Variants in PMEPA1 observed in about 807,000 individuals in gnomAD.
The protein encoded by PMEPA1 is protein TMEPAI.
Under a neutral mutation model 23.0 loss-of-function variants are expected in PMEPA1, and 11 were observed. That is an observed-to-expected ratio of 0.48 (90% CI 0.30 to 0.79). The LOEUF (loss-of-function observed/expected upper bound fraction) is 0.79, where lower values mean the gene tolerates loss of function less well. Ranked by LOEUF, PMEPA1 falls within the 30% of genes least tolerant of loss-of-function variation. The probability of loss-of-function intolerance (pLI) is 0.06; values close to 1 mark genes in which losing one functional copy is unlikely to be tolerated. For missense variants in PMEPA1, 377 were observed against 390.9 expected (o/e 0.96, Z 0.30); for synonymous variants, 204 against 166.4 (o/e 1.23, Z -1.74).
chr20:57,652,458 T>C lies in PMEPA1; in HGVS notation c.459A>G (p.Ser153=), dbSNP rs6025698. 0.19 allele frequency: 304,146 copies of C among 1,612,102 alleles called. 33,506 individuals are homozygous for C. The highest frequency in any genetic ancestry group is 0.47 in the African/African-American group (35,508 of 74,922). The part of the protein sequence containing the change: ...EIDLPPTISL[S]DGEEPPPYQG... ...GGTAGGGTGGGGGCTCCTCCCCGTC[T>C]GACAGCGAGATGGTGGGTGGCAGGT... Residue 153 remains serine, a synonymous_variant, in exon 4 of 4, where the codon TCA becomes TCG. Transcript: ENST00000341744. The surrounding 1 kb of genome is among the most constrained non-coding windows in gnomAD (Gnocchi z 6.1).
chr20:57,711,336 G>A (rs948042830), upstream of PMEPA1: 2 of 152,220 alleles, frequency 1.3e-5, no homozygotes, highest in East Asian at 1.9e-4. Flanking sequence ...AGACCAGAGC[G>A]AATTCATCCT....
In PMEPA1 at chr20:57,675,692, C is replaced by T. The variant is rs76288273; in HGVS notation, c.110-15995G>A. Among the ~76,000 whole-genome samples, 878 of 152,304 alleles carry T rather than the reference C, an allele frequency of 5.8e-3. 10 individuals are homozygous for T. Among genetic ancestry groups the T allele is most frequent in the African/African-American group, 0.02 (819 of 41,560 alleles). On this transcript the variant is annotated intron_variant, in intron 1 of 3. Transcript: ENST00000341744. ...AGGGAAGGAGCTCAGATGGGAAGGG[C>T]GACCTCGCTAGAGAGGGGGCTCCAG...
At chr20:57,692,445 C>T (rs544236194) in intron 1 of PMEPA1, among the ~76,000 whole-genome samples, 6 of 152,202 alleles carry the variant, frequency 3.9e-5, no homozygotes, top group Non-Finnish European at 5.9e-5. Flanking sequence ...GACAGGGGAG[C>T]GAAGCTCCCA....
At chr20:57,688,891 G>A (rs754893589) in intron 1 of PMEPA1, among the ~76,000 whole-genome samples, 1 of 152,188 alleles carries the variant, frequency 6.6e-6, no homozygotes, top group Non-Finnish European at 1.5e-5. Flanking sequence ...CAGGCATGGT[G>A]AGCATTCCCT....
Position 57,649,554 on chromosome 20 carries a change from G to A in PMEPA1, c.*2499C>T, listed in dbSNP as rs904660011. On this transcript the variant is annotated 3_prime_UTR_variant, in exon 4 of 4. Transcript: ENST00000341744. ...AATCCAGACCATACCATGAAGCAAC[G>A]AGACCCAAACAGTTTGGCTCAAGAG... is the stretch of plus-strand genomic sequence containing the variant. 3.9e-5 allele frequency: 6 copies of A among 152,142 alleles called. No individual in the cohort carries two copies. Among genetic ancestry groups the A allele is most frequent in the African/African-American group, 1.4e-4 (6 of 41,386 alleles). 9.4% of individuals were successfully genotyped at this position (152,142 alleles called of 1,614,324 possible).
At chr20:57,681,843 CG>C (rs1368272122) in intron 1 of PMEPA1, among the ~76,000 whole-genome samples, 2 of 152,194 alleles carry the variant, frequency 1.3e-5, no homozygotes, top group Non-Finnish European at 2.9e-5. Context: ...CTCACCCTCT[CG>C]GCTTCTCCTC....
Position 57,683,822 on chromosome 20 carries a change from GCA to G in PMEPA1, c.110-24127_110-24126del, listed in dbSNP as rs1247833390. ...GTTCTTGGAGTTCTCGGCCTCCGAA[GCA>G]CACTGTCCAGCCACCTGCACAAAGT... is the stretch of plus-strand genomic sequence containing the variant. On this transcript the variant is annotated intron_variant, in intron 1 of 3. Transcript: ENST00000341744. This position sits in a 1 kb window ranked among gnomAD's most constrained non-coding sequence, Gnocchi z 4.3. Among the ~76,000 whole-genome samples, 1 of 151,788 alleles carries G rather than the reference GCA, an allele frequency of 6.6e-6. No individual in the cohort carries two copies. Among genetic ancestry groups the G allele is most frequent in the Non-Finnish European group, 1.5e-5 (1 of 67,976 alleles).
chr20:57,706,676 G>C (rs578092903), intron 1 of PMEPA1, among the ~76,000 whole-genome samples: 3 of 152,318 alleles, frequency 2.0e-5, no homozygotes, highest in East Asian at 1.9e-4. Flanking sequence ...AGGAGGACCT[G>C]CTCTGGGGCC....
chr20:57,680,784 G>T (rs2071701847), intron 1 of PMEPA1, among the ~76,000 whole-genome samples: 1 of 152,228 alleles, frequency 6.6e-6, no homozygotes, highest in African/African-American at 2.4e-5. Flanking sequence ...ATTTCTGTAG[G>T]CTGGAGTCGC....
intron 1 of PMEPA1, among the ~76,000 whole-genome samples, chr20:57,681,716 A>G (rs1264934675): frequency 6.6e-6 from 1 of 152,162 alleles, no homozygotes; most frequent in Non-Finnish European, 1.5e-5. Context: ...GAACTTGTGT[A>G]CGCTTTAGTC....
chr20:57,660,768 CACA>C lies in PMEPA1; in HGVS notation c.110-1074_110-1072del, dbSNP rs1248677240. On this transcript the variant is annotated intron_variant, in intron 1 of 3. Transcript: ENST00000341744. Reference sequence around the variant, plus strand: ...CACAACACCCCAACACTCCTCCACACACAACACCCCAACACTCCTACACACACG... The same window carrying C: ...CACAACACCCCAACACTCCTCCACACACACCCCAACACTCCTACACACACG... Among the ~76,000 whole-genome samples, 7 of 150,962 alleles carry C rather than the reference CACA, an allele frequency of 4.6e-5. 1 individual carries two copies. Among genetic ancestry groups the C allele is most frequent in the Admixed American group, 4.0e-4 (6 of 15,168 alleles).
Position 57,652,001 on chromosome 20 carries a change from G to C in PMEPA1, c.*52C>G, listed in dbSNP as rs796110464. 12 of 1,411,858 alleles carry C rather than the reference G, an allele frequency of 8.5e-6. No individual in the cohort carries two copies. The South Asian group carries it at 1.7e-4, about 20-fold the overall frequency. 87.5% of individuals were successfully genotyped at this position (1,411,858 alleles called of 1,614,324 possible). A position where few individuals can be genotyped will look rare whatever the true frequency, so the allele number is the denominator to read the frequency against. Reference sequence around the variant, plus strand: ...TCTCACTCCTCTTCTAAGAAGCGCGGAGTGTTCTGCCTTTTCACCTACGCA... The same window carrying C: ...TCTCACTCCTCTTCTAAGAAGCGCGCAGTGTTCTGCCTTTTCACCTACGCA... On this transcript the variant is annotated 3_prime_UTR_variant, in exon 4 of 4. Transcript: ENST00000341744. The surrounding 1 kb of genome is among the most constrained non-coding windows in gnomAD (Gnocchi z 6.1).
intron 1 of PMEPA1, among the ~76,000 whole-genome samples, chr20:57,669,412 C>T (rs1293820632): frequency 2.0e-5 from 3 of 152,184 alleles, no homozygotes; most frequent in Non-Finnish European, 2.9e-5. Flanking sequence ...CCACCCACCT[C>T]GGCCTCCAAA....
intron 1 of PMEPA1, among the ~76,000 whole-genome samples, chr20:57,696,910 A>G (rs2071949178): frequency 6.6e-6 from 1 of 152,234 alleles, no homozygotes; most frequent in South Asian, 2.1e-4. Context: ...AAGGAAAATG[A>G]CATATTGTCA....
At chr20:57,698,074 C>T (rs909932743) in intron 1 of PMEPA1, among the ~76,000 whole-genome samples, 2 of 152,168 alleles carry the variant, frequency 1.3e-5, no homozygotes, top group African/African-American at 4.8e-5. Context: ...TGGCTTATGA[C>T]TTGAAACGTC....
chr20:57,674,443 G>C (rs1392456502), intron 1 of PMEPA1, among the ~76,000 whole-genome samples: 4 of 152,234 alleles, frequency 2.6e-5, no homozygotes, highest in Non-Finnish European at 4.4e-5. Flanking sequence ...AAGCCACACA[G>C]TCCGGGGTTA....
At chr20:57,667,494 G>T (rs1045783358) in intron 1 of PMEPA1, among the ~76,000 whole-genome samples, 1 of 152,106 alleles carries the variant, frequency 6.6e-6, no homozygotes, top group African/African-American at 2.4e-5. Flanking sequence ...GGAGCTGGGA[G>T]CAGAGTCCAC....
intron 1 of PMEPA1, among the ~76,000 whole-genome samples, chr20:57,702,283 T>C (rs2072022151): frequency 6.6e-6 from 1 of 152,146 alleles, no homozygotes; most frequent in Non-Finnish European, 1.5e-5. Flanking sequence ...CTACATTTGA[T>C]TCCCTGGGAA....
At chr20:57,673,840 G>A (rs1427540472) in intron 1 of PMEPA1, among the ~76,000 whole-genome samples, 3 of 152,120 alleles carry the variant, frequency 2.0e-5, no homozygotes, top group African/African-American at 4.8e-5. Flanking sequence ...ACCCTAGTCC[G>A]GACCCTGCTA....
Sources: gnomAD v4.1 joint callset for allele counts (sites outside exome capture counted in the v4.1 genomes callset) on GRCh38, gnomAD v4.1.1 for gene constraint, Gnocchi (gnomAD v3.1) non-coding constraint, MANE v1.5 for transcripts, NCBI Gene and HGNC (gene_info 2026-07-23, HGNC 2026-07-21) for gene names.